EXOC4: variants seen among roughly 807,000 people sequenced by gnomAD.
The protein encoded by EXOC4 is SEC8-like 1.
In EXOC4, 71 loss-of-function variants were observed where a neutral mutation model predicts 107.2. The observed-to-expected ratio is 0.66, with a 90% CI of 0.55 to 0.81. EXOC4 has a LOEUF of 0.81. Ranked by LOEUF, EXOC4 falls within the 30% of genes least tolerant of loss-of-function variation. EXOC4 has a pLI of 0.00. For missense variants in EXOC4, 1,108 were observed against 1,189.6 expected (o/e 0.93, Z 1.01); for synonymous variants, 456 against 441.2 (o/e 1.03, Z -0.42).
At chr7:133,351,087 T>C (rs909835961) in intron 5 of EXOC4, among the ~76,000 whole-genome samples, 2 of 152,026 alleles carry the variant, frequency 1.3e-5, no homozygotes, top group African/African-American at 4.8e-5. Context: ...TATAGTCCTA[T>C]AAGTATGCTG....
intron 5 of EXOC4, among the ~76,000 whole-genome samples, chr7:133,341,826 GT>G: frequency 6.6e-6 from 1 of 152,080 alleles, no homozygotes; most frequent in Non-Finnish European, 1.5e-5. Flanking sequence ...TTTAAAGTTT[GT>G]TTTGTCTGAT....
intron 1 of EXOC4, among the ~76,000 whole-genome samples, chr7:133,257,261 C>T (rs539461732): frequency 9.9e-5 from 15 of 152,204 alleles, no homozygotes; most frequent in Admixed American, 3.3e-4. Context: ...ATCCTGATTA[C>T]GTGCTGATGT....
chr7:133,858,256 A>T (rs1798460941), intron 11 of EXOC4, among the ~76,000 whole-genome samples: 1 of 152,194 alleles, frequency 6.6e-6, no homozygotes, highest in Admixed American at 6.5e-5. Context: ...TTATTGAGCC[A>T]CAGAACAGCT....
chr7:133,651,367 AAAAAC>A (rs3076767), intron 10 of EXOC4, among the ~76,000 whole-genome samples: 63,941 of 151,596 alleles, frequency 0.42, 14,314 homozygotes, highest in Admixed American at 0.56. Flanking sequence ...AAATAAGAAA[AAAAAC>A]ACAACACCTA....
intron 7 of EXOC4, among the ~76,000 whole-genome samples, chr7:133,446,537 C>A (rs977735726): frequency 1.3e-5 from 2 of 152,132 alleles, no homozygotes; most frequent in Non-Finnish European, 2.9e-5. Context: ...AGGGCACGGT[C>A]CTCAGTCCAG....
At chr7:133,420,540 C>T (rs918287832) in intron 7 of EXOC4, among the ~76,000 whole-genome samples, 1 of 152,050 alleles carries the variant, frequency 6.6e-6, no homozygotes, top group African/African-American at 2.4e-5. Context: ...TCATCTTTTT[C>T]ATATTCTGTT....
At chr7:133,530,030 G>A (rs1800151849) in intron 9 of EXOC4, among the ~76,000 whole-genome samples, 1 of 152,116 alleles carries the variant, frequency 6.6e-6, no homozygotes, top group South Asian at 2.1e-4. Flanking sequence ...TGTGGAAAAT[G>A]AGGTCCAATG....
At chr7:133,484,995 G>C (rs1192332175) in intron 9 of EXOC4, among the ~76,000 whole-genome samples, 1 of 150,178 alleles carries the variant, frequency 6.7e-6, no homozygotes, top group East Asian at 2.0e-4. Flanking sequence ...CAGGAGAATC[G>C]CTTGAACCTG....
chr7:133,598,506 A>C (rs1221446027), intron 9 of EXOC4, among the ~76,000 whole-genome samples: 1 of 152,218 alleles, frequency 6.6e-6, no homozygotes, highest in East Asian at 1.9e-4. Context: ...GAGGAACCAA[A>C]TTTTAAATGT....
chr7:133,943,549 G>A (rs757770907), intron 14 of EXOC4, among the ~76,000 whole-genome samples: 107 of 152,162 alleles, frequency 7.0e-4, no homozygotes, highest in Middle Eastern at 6.8e-3. Context: ...TTGTCCCAGC[G>A]TATCTCACGG....
intron 2 of EXOC4, among the ~76,000 whole-genome samples, chr7:133,284,144 T>C (rs936850413): frequency 7.9e-5 from 12 of 152,176 alleles, no homozygotes; most frequent in Non-Finnish European, 1.2e-4. Flanking sequence ...TTTCCTTCCA[T>C]GTAGTAAGCA....
chr7:133,852,578 A>G (rs1308981002), intron 11 of EXOC4, among the ~76,000 whole-genome samples: 1 of 152,244 alleles, frequency 6.6e-6, no homozygotes, highest in East Asian at 1.9e-4. Context: ...TAGGAAAAGA[A>G]AAGAAAATTA....
chr7:133,499,493 A>G (rs571425751), intron 9 of EXOC4, among the ~76,000 whole-genome samples: 9 of 152,174 alleles, frequency 5.9e-5, no homozygotes, highest in Admixed American at 1.3e-4. Context: ...GCTAAGAGAA[A>G]CTAATGTTAC....
At chr7:134,031,672 T>C (rs1049653722) in intron 17 of EXOC4, among the ~76,000 whole-genome samples, 5 of 152,170 alleles carry the variant, frequency 3.3e-5, no homozygotes, top group Non-Finnish European at 7.4e-5. Flanking sequence ...AAAGGAACTA[T>C]GCTGCCATAA....
chr7:133,839,442 T>C (rs1797981890), intron 11 of EXOC4, among the ~76,000 whole-genome samples: 1 of 152,212 alleles, frequency 6.6e-6, no homozygotes, highest in South Asian at 2.1e-4. Context: ...GTGTAGCATA[T>C]TGCTTTGAAG....
chr7:133,369,343 T>C (rs1390312544), intron 6 of EXOC4, among the ~76,000 whole-genome samples: 1 of 152,180 alleles, frequency 6.6e-6, no homozygotes, highest in Non-Finnish European at 1.5e-5. Context: ...TATGATTGAC[T>C]TTGGTTTCTT....
At chr7:133,298,442 A>G (rs1312546863) in intron 3 of EXOC4, among the ~76,000 whole-genome samples, 1 of 152,148 alleles carries the variant, frequency 6.6e-6, no homozygotes, top group Admixed American at 6.5e-5. Flanking sequence ...ATGGTGAGTG[A>G]CTTTAGGACG....
intron 10 of EXOC4, among the ~76,000 whole-genome samples, chr7:133,763,725 GC>G (rs773547973): frequency 6.6e-6 from 1 of 151,166 alleles, no homozygotes; most frequent in Non-Finnish European, 1.5e-5. Context: ...GATTGCAACA[GC>G]AAACACTTTC....
At chr7:133,672,462 G>C (rs1018330634) in intron 10 of EXOC4, among the ~76,000 whole-genome samples, 1 of 151,358 alleles carries the variant, frequency 6.6e-6, no homozygotes, top group Non-Finnish European at 1.5e-5. Context: ...CTTAATTAAC[G>C]TTTAAATAGT....
Sources: allele counts gnomAD v4.1 joint callset (sites outside exome capture counted in the v4.1 genomes callset), GRCh38; gene constraint gnomAD v4.1.1; transcripts MANE v1.5; gene names NCBI Gene and HGNC (gene_info 2026-07-23, HGNC 2026-07-21).